The following DYNC2I1 variants were observed in gnomAD, a reference collection of about 807,000 sequenced individuals.
DYNC2I1 encodes dynein 2 intermediate chain 1.
A neutral mutation model predicts 133.4 loss-of-function variants in DYNC2I1; 89 were observed. The ratio of observed to expected loss-of-function variants is 0.67; its 90% confidence interval spans 0.56 to 0.80. The LOEUF (loss-of-function observed/expected upper bound fraction) is 0.80. DYNC2I1 is among the 30% of genes least tolerant of loss of function. The pLI is 0.00. For synonymous variants in DYNC2I1, 504 were observed against 484.3 expected (o/e 1.04, Z -0.54); for missense variants, 1,291 against 1,314.5 (o/e 0.98, Z 0.28).
At chr7:158,904,674 T>C (rs842701) in intron 10 of DYNC2I1, 151,542 of 152,774 alleles carry the variant, frequency 0.99, 75,166 homozygotes, top group East Asian at 1. Context: ...TGCTCATAAA[T>C]GTGGCCTCCT....
At chr7:158,852,940 G>A (rs938791130), upstream of DYNC2I1, among the ~76,000 whole-genome samples, 2 of 152,128 alleles carry the variant, frequency 1.3e-5, no homozygotes, top group African/African-American at 2.4e-5. Context: ...TTGTAACCTC[G>A]CCCTTGGCTT....
rs116194955 is a variant in DYNC2I1, at chr7:158,873,379, C to T, written c.490+1817C>T. ...GAAACGAAGGGCCTTTACTCATTGC[C>T]ACCATTAGATGTCTCTTATAGACAC... is the stretch of plus-strand genomic sequence containing the variant. On this transcript the variant is annotated intron_variant, in intron 3 of 24. Transcript: ENST00000407559. 4.2e-3 allele frequency among the ~76,000 whole-genome samples: 639 copies of T among 152,260 alleles called. 4 individuals carry two copies. The highest frequency in any genetic ancestry group is 0.014 in the African/African-American group (573 of 41,556).
intron 6 of DYNC2I1, among the ~76,000 whole-genome samples, chr7:158,886,283 C>T (rs944423562): frequency 1.3e-5 from 2 of 151,992 alleles, no homozygotes; most frequent in Admixed American, 1.3e-4. Flanking sequence ...AGGCACACGC[C>T]ACCACGCCTG....
At chr7:158,953,797 A>G (rs1852123258) in intron 4 of DYNC2I1, among the ~76,000 whole-genome samples, 1 of 152,048 alleles carries the variant, frequency 6.6e-6, no homozygotes, top group Non-Finnish European at 1.5e-5. Flanking sequence ...TATATATGTT[A>G]TATATATGCC....
chr7:158,919,235 A>G (rs1848772376), intron 15 of DYNC2I1, among the ~76,000 whole-genome samples: 2 of 152,238 alleles, frequency 1.3e-5, no homozygotes, highest in South Asian at 4.1e-4. Context: ...TTGGACGAGC[A>G]TGAGAGAGTG....
At chr7:158,887,172 CAG>C (rs1370747137) in intron 7 of DYNC2I1, 97 bp downstream of exon 7, 4 of 1,233,316 alleles carry the variant, frequency 3.2e-6, no homozygotes, top group Admixed American at 1.9e-5. Flanking sequence ...GAGGCCGAGA[CAG>C]GGCTCATTTG....
intron 8 of DYNC2I1, among the ~76,000 whole-genome samples, chr7:158,895,471 G>A (rs1845677404): frequency 6.6e-6 from 1 of 152,098 alleles, no homozygotes; most frequent in Non-Finnish European, 1.5e-5. Flanking sequence ...TCTATTTCTG[G>A]GCTCTTTGTT....
chr7:158,947,559 C>T (rs536275492), downstream of DYNC2I1, among the ~76,000 whole-genome samples: 15 of 152,288 alleles, frequency 9.8e-5, no homozygotes, highest in African/African-American at 3.4e-4. Flanking sequence ...TGAAACTGCT[C>T]AGTAAATCAG....
chr7:158,911,691 A>G lies in DYNC2I1; in HGVS notation c.1590+12A>G, dbSNP rs1351208798. On this transcript the variant is annotated intron_variant, in intron 12 of 24. Coordinates refer to ENST00000407559, the MANE Select transcript of DYNC2I1 (RefSeq NM_018051.5). ...AAAATACCAAGCAGGTAAGTATGAG[A>G]TGTGTTAACTAAGTGATAAAATGCA... 1.2e-6 allele frequency: 2 copies of G among 1,602,638 alleles called. No individual in the cohort carries two copies. The highest frequency in any genetic ancestry group is 1.7e-6 in the Non-Finnish European group (2 of 1,175,984).
intron 5 of DYNC2I1, among the ~76,000 whole-genome samples, chr7:158,884,131 G>A (rs1235564681): frequency 8.8e-5 from 13 of 147,624 alleles, no homozygotes; most frequent in Middle Eastern, 7.4e-3. Context: ...TGCAAGCTCC[G>A]CCTCCCGGGT....
intron 1 of DYNC2I1, among the ~76,000 whole-genome samples, chr7:158,863,296 A>C (rs531073810): frequency 2.0e-5 from 3 of 152,034 alleles, no homozygotes; most frequent in Non-Finnish European, 2.9e-5. Context: ...GTTTTTACAG[A>C]GTGCTGATTG....
chr7:158,929,588 G>T (rs1016149248), intron 20 of DYNC2I1, among the ~76,000 whole-genome samples: 1 of 152,246 alleles, frequency 6.6e-6, no homozygotes, highest in Non-Finnish European at 1.5e-5. Context: ...GTGAATAGTG[G>T]CGTTGACCCT....
chr7:158,846,010 A>G, the DYNC2I1 span, among the ~76,000 whole-genome samples: 1 of 152,246 alleles, frequency 6.6e-6, no homozygotes, highest in Non-Finnish European at 1.5e-5. Context: ...CTGTATTTCC[A>G]GCACTCTGGG....
intron 8 of DYNC2I1, among the ~76,000 whole-genome samples, chr7:158,899,373 T>C (rs943889246): frequency 6.6e-6 from 1 of 152,222 alleles, no homozygotes; most frequent in Non-Finnish European, 1.5e-5. Flanking sequence ...TAAGCATACG[T>C]AATTGAATAC....
At chr7:158,917,812 C>T (rs1450625176) in intron 14 of DYNC2I1, among the ~76,000 whole-genome samples, 1 of 152,194 alleles carries the variant, frequency 6.6e-6, no homozygotes, top group African/African-American at 2.4e-5. Flanking sequence ...CACTCTCTTC[C>T]TGTCAGTTCT....
intron 19 of DYNC2I1, 33 bp downstream of exon 19, chr7:158,926,496 G>GA: frequency 6.2e-7 from 1 of 1,604,716 alleles, no homozygotes; most frequent in Non-Finnish European, 8.5e-7. Flanking sequence ...CACATGCGGG[G>GA]CCTGAGTGAG....
intron 4 of DYNC2I1, among the ~76,000 whole-genome samples, chr7:158,954,643 C>T (rs1852153508): frequency 6.6e-6 from 1 of 151,828 alleles, no homozygotes; most frequent in African/African-American, 2.4e-5. Context: ...ATGAGACTCT[C>T]TCTCTAAAAA....
At chr7:158,914,013 A>G (rs1221700546) in intron 13 of DYNC2I1, among the ~76,000 whole-genome samples, 1 of 152,160 alleles carries the variant, frequency 6.6e-6, no homozygotes, top group African/African-American at 2.4e-5. Context: ...CCTGGCCTGA[A>G]TGTTTTTCTA....
intron 7 of DYNC2I1, 147 bp from the exon 8 acceptor site, chr7:158,891,118 C>T: frequency 1.3e-6 from 1 of 791,902 alleles, no homozygotes; most frequent in Non-Finnish European, 2.1e-6. Flanking sequence ...CTGGGACCTG[C>T]ATCCCAGAGC....
Sources: allele counts gnomAD v4.1 joint callset (sites outside exome capture counted in the v4.1 genomes callset), GRCh38; gene constraint gnomAD v4.1.1; transcripts MANE v1.5; gene names NCBI Gene and HGNC (gene_info 2026-07-23, HGNC 2026-07-21).